Variants in C7orf78 observed in about 807,000 individuals in gnomAD.
C7orf78 encodes the protein putative uncharacterized protein C7orf78.
the C7orf78 span, among the ~76,000 whole-genome samples, chr7:12,500,464 A>G: frequency 3.3e-5 from 5 of 150,562 alleles, no homozygotes; most frequent in Admixed American, 3.3e-4. Flanking sequence ...CTACGCAAAT[A>G]AACTAGAAAA....
At chr7:12,501,018 C>G in the C7orf78 span, among the ~76,000 whole-genome samples, 35 of 151,620 alleles carry the variant, frequency 2.3e-4, no homozygotes, top group African/African-American at 7.8e-4. Context: ...AGGCCTTTGA[C>G]AAAATTCAAC....
the C7orf78 span, chr7:12,541,340 C>T: frequency 1.3e-3 from 191 of 152,232 alleles, no homozygotes; most frequent in African/African-American, 4.4e-3. Flanking sequence ...TGTTTGCCTC[C>T]TTCATAGAAA....
At chr7:12,513,755 C>T in the C7orf78 span, among the ~76,000 whole-genome samples, 1 of 151,602 alleles carries the variant, frequency 6.6e-6, no homozygotes, top group African/African-American at 2.4e-5. Flanking sequence ...AATCCCAGCA[C>T]TTTGGGAGGC....
the C7orf78 span, among the ~76,000 whole-genome samples, chr7:12,521,283 A>G: frequency 6.6e-6 from 1 of 151,936 alleles, no homozygotes; most frequent in South Asian, 2.1e-4. Context: ...TTTTGTATAT[A>G]TTATTTTTTC....
the C7orf78 span, among the ~76,000 whole-genome samples, chr7:12,528,514 T>G: frequency 6.7e-6 from 1 of 148,522 alleles, no homozygotes; most frequent in African/African-American, 2.5e-5. Context: ...AAATGGAAAA[T>G]GTCAGCTTTC....
At chr7:12,538,187 C>G in the C7orf78 span, 2 of 152,132 alleles carry the variant, frequency 1.3e-5, no homozygotes, top group Admixed American at 1.3e-4. Context: ...TTGGGAGATT[C>G]TTTGCAATTG....
At chr7:12,498,654 C>T in the C7orf78 span, among the ~76,000 whole-genome samples, 2 of 152,140 alleles carry the variant, frequency 1.3e-5, no homozygotes, top group East Asian at 1.9e-4. Flanking sequence ...AGTTGGAAAA[C>T]ACTCTGCAGG....
At chr7:12,500,852 T>G in the C7orf78 span, among the ~76,000 whole-genome samples, 11 of 147,626 alleles carry the variant, frequency 7.5e-5, no homozygotes, top group Non-Finnish European at 1.3e-4. Flanking sequence ...GCAAACTGAA[T>G]CCAGCAGCAC....
the C7orf78 span, among the ~76,000 whole-genome samples, chr7:12,539,753 A>G: frequency 6.6e-6 from 1 of 152,192 alleles, no homozygotes; most frequent in Non-Finnish European, 1.5e-5. Flanking sequence ...GCTCAAATCC[A>G]TCTCTCTAAC....
the C7orf78 span, chr7:12,504,673 G>A: frequency 6.6e-6 from 1 of 151,966 alleles, no homozygotes; most frequent in Admixed American, 6.6e-5. Context: ...TATATAAGAT[G>A]AATTCACTTA....
the C7orf78 span, among the ~76,000 whole-genome samples, chr7:12,492,200 C>A: frequency 6.6e-6 from 1 of 151,848 alleles, no homozygotes; most frequent in Non-Finnish European, 1.5e-5. Flanking sequence ...AAAACTACTG[C>A]GATGGTAATA....
chr7:12,500,835 A>C, the C7orf78 span, among the ~76,000 whole-genome samples: 1 of 147,760 alleles, frequency 6.8e-6, no homozygotes, highest in Non-Finnish European at 1.5e-5. Flanking sequence ...TCCTCAATAA[A>C]ATACTGGCAA....
At chr7:12,531,074 C>G in the C7orf78 span, 4 of 398,244 alleles carry the variant, frequency 1.0e-5, no homozygotes, top group African/African-American at 8.2e-5. Flanking sequence ...GAAAAGTTTA[C>G]AAAGATATGC....
the C7orf78 span, among the ~76,000 whole-genome samples, chr7:12,536,616 G>A: frequency 1.3e-5 from 2 of 152,072 alleles, no homozygotes; most frequent in Admixed American, 6.5e-5. Context: ...CTCAGAAAAC[G>A]CTTTTTTTCT....
the C7orf78 span, among the ~76,000 whole-genome samples, chr7:12,489,980 T>C: frequency 6.6e-5 from 10 of 152,242 alleles, no homozygotes; most frequent in South Asian, 2.1e-3. Context: ...GTCCAGTTCT[T>C]TCATTTTTGA....
chr7:12,497,467 C>T, the C7orf78 span, among the ~76,000 whole-genome samples: 76 of 62,584 alleles, frequency 1.2e-3, 1 homozygote, highest in South Asian at 4.7e-3. Context: ...GGGTGACGGA[C>T]GGCACCTGGA....
At chr7:12,540,546 A>G in the C7orf78 span, among the ~76,000 whole-genome samples, 11 of 152,352 alleles carry the variant, frequency 7.2e-5, no homozygotes, top group African/African-American at 2.2e-4. Flanking sequence ...CTGGGAAACT[A>G]AAGTCTTCAC....
chr7:12,525,338 T>G, the C7orf78 span, among the ~76,000 whole-genome samples: 1 of 152,130 alleles, frequency 6.6e-6, no homozygotes, highest in Non-Finnish European at 1.5e-5. Context: ...AAAAAAACAG[T>G]AACTCTCTTC....
At chr7:12,534,454 C>T in the C7orf78 span, among the ~76,000 whole-genome samples, 2 of 152,080 alleles carry the variant, frequency 1.3e-5, no homozygotes, top group African/African-American at 4.8e-5. Flanking sequence ...CACAAAAACA[C>T]TATCTATAAA....
Sources: gnomAD v4.1 joint callset for allele counts (sites outside exome capture counted in the v4.1 genomes callset) on GRCh38, gnomAD v4.1.1 for gene constraint, MANE v1.5 for transcripts, NCBI Gene and HGNC (gene_info 2026-07-23, HGNC 2026-07-21) for gene names.